PCDH15: variants seen among roughly 807,000 people sequenced by gnomAD.
PCDH15 encodes the protein protocadherin-15.
In PCDH15, 129 loss-of-function variants were observed where a neutral mutation model predicts 178.5. The ratio of observed to expected loss-of-function variants is 0.72; its 90% CI spans 0.63 to 0.84. PCDH15 has a LOEUF of 0.84. PCDH15 is among the 40% of genes least tolerant of loss of function. The probability of loss-of-function intolerance (pLI) is 0.00; values close to 1 mark genes in which losing one functional copy is unlikely to be tolerated. For synonymous variants in PCDH15, 800 were observed against 732.0 expected (o/e 1.09, Z -1.50); for missense variants, 2,230 against 2,099.9 (o/e 1.06, Z -1.21).
At chr10:54,413,803 T>C (rs1446227395) in intron 3 of PCDH15, among the ~76,000 whole-genome samples, 1 of 152,154 alleles carries the variant, frequency 6.6e-6, no homozygotes, top group Non-Finnish European at 1.5e-5. Context: ...AGACTTTCTG[T>C]TTCTGAGTTA....
At chr10:54,068,165 A>G (rs2094173230) in intron 17 of PCDH15, among the ~76,000 whole-genome samples, 1 of 152,136 alleles carries the variant, frequency 6.6e-6, no homozygotes, top group Non-Finnish European at 1.5e-5. Context: ...TAACAGAAGC[A>G]AAAGCAAATA....
intron 13 of PCDH15, among the ~76,000 whole-genome samples, chr10:54,180,379 T>C (rs1327884476): frequency 6.6e-6 from 1 of 152,200 alleles, no homozygotes; most frequent in Non-Finnish European, 1.5e-5. Context: ...ATACTGTACT[T>C]AAAAAATTGA....
At chr10:54,900,324 T>TA (rs536645944) in intron 2 of PCDH15, among the ~76,000 whole-genome samples, 6 of 151,908 alleles carry the variant, frequency 3.9e-5, no homozygotes, top group East Asian at 3.8e-4. Context: ...ATTGTCAGTG[T>TA]AAAAAAAAGA....
chr10:54,169,898 C>A (rs570446977), intron 13 of PCDH15, among the ~76,000 whole-genome samples: 57 of 151,266 alleles, frequency 3.8e-4, no homozygotes, highest in African/African-American at 1.4e-3. Flanking sequence ...AGAATCTGCG[C>A]CTTATCAACC....
chr10:55,070,025 C>T (rs1158226344), intron 2 of PCDH15, among the ~76,000 whole-genome samples: 7 of 151,988 alleles, frequency 4.6e-5, no homozygotes, highest in South Asian at 2.1e-4. Context: ...TCTCTGATGG[C>T]CAGTGATGAT....
chr10:54,733,604 T>C (rs571920592), intron 1 of PCDH15, among the ~76,000 whole-genome samples: 17 of 151,588 alleles, frequency 1.1e-4, no homozygotes, highest in Non-Finnish European at 2.4e-4. Context: ...AAAAACTGAT[T>C]ATAAGTTTAC....
intron 2 of PCDH15, among the ~76,000 whole-genome samples, chr10:55,098,895 T>TGAGAGGGAGAGAGAGAGA (rs1842508708): frequency 8.3e-6 from 1 of 120,198 alleles, no homozygotes; most frequent in African/African-American, 3.4e-5. Context: ...AAAACTTCAA[T>TGAGAGGGAGAGAGAGAGA]GAGAGAGAGA....
chr10:55,330,153 A>C (rs962209791), intron 2 of PCDH15, among the ~76,000 whole-genome samples: 1 of 151,846 alleles, frequency 6.6e-6, no homozygotes, highest in African/African-American at 2.4e-5. Context: ...TTAGTGATTA[A>C]ACTTATTTTA....
intron 3 of PCDH15, among the ~76,000 whole-genome samples, chr10:54,494,607 C>T (rs1374161594): frequency 6.6e-6 from 1 of 152,086 alleles, no homozygotes; most frequent in African/African-American, 2.4e-5. Flanking sequence ...ATCATGCCAC[C>T]CTTTCATGCC....
chr10:53,997,280 T>A (rs1157461632), intron 20 of PCDH15, among the ~76,000 whole-genome samples: 1 of 152,152 alleles, frequency 6.6e-6, no homozygotes, highest in Non-Finnish European at 1.5e-5. Context: ...TTCTCTATAA[T>A]GAGGACTGTG....
intron 1 of PCDH15, among the ~76,000 whole-genome samples, chr10:55,274,735 G>C (rs916011300): frequency 1.6e-4 from 24 of 152,094 alleles, no homozygotes; most frequent in African/African-American, 5.8e-4. Context: ...GGCAGGGGTG[G>C]GGACTGTAGG....
At chr10:54,935,841 C>T (rs552497943) in intron 2 of PCDH15, among the ~76,000 whole-genome samples, 1 of 151,780 alleles carries the variant, frequency 6.6e-6, no homozygotes, top group Non-Finnish European at 1.5e-5. Flanking sequence ...TGAGACATGT[C>T]CCCCAAAAGG....
At chr10:55,350,740 G>A (rs1844905033) in intron 2 of PCDH15, among the ~76,000 whole-genome samples, 1 of 151,968 alleles carries the variant, frequency 6.6e-6, no homozygotes, top group Non-Finnish European at 1.5e-5. Flanking sequence ...AAAATTTTCT[G>A]AGAATTTTGG....
At chr10:54,663,477 T>C (rs866281996) in intron 2 of PCDH15, among the ~76,000 whole-genome samples, 21 of 149,530 alleles carry the variant, frequency 1.4e-4, no homozygotes, top group South Asian at 8.4e-4. Flanking sequence ...ACTGTCATTA[T>C]AGGCTATTCT....
chr10:54,631,832 G>T (rs1289050410), intron 2 of PCDH15, among the ~76,000 whole-genome samples: 1 of 152,044 alleles, frequency 6.6e-6, no homozygotes, highest in Non-Finnish European at 1.5e-5. Flanking sequence ...AACTCAGGAG[G>T]AACCACCATA....
intron 1 of PCDH15, among the ~76,000 whole-genome samples, chr10:55,303,144 A>G (rs1369629086): frequency 6.6e-6 from 1 of 152,170 alleles, no homozygotes; most frequent in Non-Finnish European, 1.5e-5. Flanking sequence ...AAAATAAGAA[A>G]TATTCATGAC....
At chr10:54,187,594 G>A (rs531793753) in intron 11 of PCDH15, among the ~76,000 whole-genome samples, 1 of 151,818 alleles carries the variant, frequency 6.6e-6, no homozygotes, top group Non-Finnish European at 1.5e-5. Context: ...AACTGTCTCA[G>A]TTTCTTGAGT....
intron 2 of PCDH15, among the ~76,000 whole-genome samples, chr10:55,090,760 G>A (rs1170299831): frequency 2.0e-5 from 3 of 152,004 alleles, no homozygotes; most frequent in Non-Finnish European, 4.4e-5. Flanking sequence ...GATTTTCCAC[G>A]TTATTTCTAT....
intron 10 of PCDH15, among the ~76,000 whole-genome samples, chr10:54,205,968 G>A (rs2050752384): frequency 6.6e-6 from 1 of 152,078 alleles, no homozygotes; most frequent in East Asian, 1.9e-4. Flanking sequence ...TGACAAAAAG[G>A]AAAAGAAACT....
Sources: gnomAD v4.1 joint callset for allele counts (sites outside exome capture counted in the v4.1 genomes callset) on GRCh38, gnomAD v4.1.1 for gene constraint, MANE v1.5 for transcripts, NCBI Gene and HGNC (gene_info 2026-07-23, HGNC 2026-07-21) for gene names.